The following PDIA6 variants were observed in gnomAD, a reference collection of about 807,000 sequenced individuals.
The protein encoded by PDIA6 is protein disulfide isomerase family A member 6.
Under a neutral mutation model 58.4 loss-of-function variants are expected in PDIA6, and 29 were observed. The ratio of observed to expected loss-of-function variants is 0.50; its 90% CI spans 0.37 to 0.68. The LOEUF is 0.68. PDIA6 is among the 30% of genes least tolerant of loss of function. The pLI, the probability that PDIA6 is intolerant of heterozygous loss-of-function variation, is 0.00. For missense variants in PDIA6, 480 were observed against 551.0 expected (o/e 0.87, Z 1.29); for synonymous variants, 192 against 202.6 (o/e 0.95, Z 0.44).
chr2:10,808,172 A>C (rs977460736), intron 1 of PDIA6, among the ~76,000 whole-genome samples: 1 of 152,264 alleles, frequency 6.6e-6, no homozygotes, highest in Admixed American at 6.5e-5. Flanking sequence ...TATGCTTTCT[A>C]GAAGGAGTAT....
chr2:10,790,654 G>C, intron 7 of PDIA6, 65 bp downstream of exon 7: 1 of 1,147,562 alleles, frequency 8.7e-7, no homozygotes, highest in Admixed American at 1.7e-5. Context: ...GAGGCCTGGA[G>C]TATTGGAAGA....
chr2:10,802,289 T>A (rs578091603), intron 2 of PDIA6, among the ~76,000 whole-genome samples: 79 of 152,274 alleles, frequency 5.2e-4, no homozygotes, highest in Non-Finnish European at 8.8e-5. Flanking sequence ...ATAAAAGCAG[T>A]TTTCCTTCCA....
chr2:10,816,482 A>G (rs1211656928), upstream of PDIA6, among the ~76,000 whole-genome samples: 1 of 141,604 alleles, frequency 7.1e-6, no homozygotes, highest in African/African-American at 2.7e-5. Context: ...TTGTCTCTTC[A>G]GCCTCTATTC....
At chr2:10,836,543 C>G (rs76776329), upstream of PDIA6, among the ~76,000 whole-genome samples, 1 of 140,394 alleles carries the variant, frequency 7.1e-6, no homozygotes, top group African/African-American at 2.6e-5. Context: ...CTTTTGCAGG[C>G]TTTTTTTTTT....
intron 1 of PDIA6, among the ~76,000 whole-genome samples, chr2:10,828,368 T>G (rs2130285): frequency 0.63 from 96,063 of 152,092 alleles, 30,602 homozygotes; most frequent in East Asian, 0.8. Context: ...GGAAGAGAAA[T>G]AACAGGCTGC....
Position 10,789,799 on chromosome 2 carries a change from G to C in PDIA6, c.790C>G (p.Arg264Gly), listed in dbSNP as rs149489060. The change falls in exon 8 of 13, where the codon CGG (arginine) becomes GGG (glycine). Residue 264 changes from arginine to glycine, a missense_variant. Coordinates refer to ENST00000272227, the MANE Select transcript of PDIA6 (RefSeq NM_005742.4). ...GGRTRSDIVSRALDLFSDNAP... is the reference protein window; with the variant it reads ...GGRTRSDIVSGALDLFSDNAP... ...TTATCAGAAAACAAATCAAGGGCCC[G>C]GGACACGATGTCGGATCTTGTCCGC... The C allele has an allele frequency of 9.3e-6, 15 of 1,613,708 alleles. No individual in the cohort carries two copies. Among genetic ancestry groups the C allele is most frequent in the African/African-American group, 1.3e-5 (1 of 74,914 alleles).
chr2:10,818,401 A>G (rs1170581382), intron 2 of PDIA6, among the ~76,000 whole-genome samples: 1 of 151,766 alleles, frequency 6.6e-6, no homozygotes, highest in Non-Finnish European at 1.5e-5. Context: ...TCCTGGCCTC[A>G]AGTGATCTGC....
upstream of PDIA6, chr2:10,837,406 G>T (rs754144127): frequency 1.3e-5 from 8 of 619,512 alleles, no homozygotes; most frequent in Non-Finnish European, 2.0e-5. Context: ...AAAAACATAC[G>T]TGAGGAAATC....
intron 7 of PDIA6, 42 bp downstream of exon 7, chr2:10,790,677 C>G: frequency 2.2e-6 from 3 of 1,392,774 alleles, no homozygotes; most frequent in Non-Finnish European, 2.0e-6. Flanking sequence ...TAACGAAACA[C>G]CATGTATTTC....
intron 11 of PDIA6, 125 bp from the exon 12 acceptor site, chr2:10,785,155 C>T (rs1404930528): frequency 3.0e-6 from 2 of 670,306 alleles, no homozygotes; most frequent in Non-Finnish European, 5.3e-6. Flanking sequence ...TTCTCTCTTG[C>T]TGCACTACAT....
chr2:10,801,759 A>C (rs1365095651), intron 2 of PDIA6, among the ~76,000 whole-genome samples: 5 of 152,250 alleles, frequency 3.3e-5, no homozygotes, highest in African/African-American at 1.2e-4. Context: ...AAAAAAGTTA[A>C]AGTGAGAAAG....
chr2:10,799,530 A>T (rs1017673001), intron 2 of PDIA6, among the ~76,000 whole-genome samples: 5 of 152,244 alleles, frequency 3.3e-5, no homozygotes, highest in African/African-American at 1.2e-4. Flanking sequence ...TACAGGTAGA[A>T]GTCGTAATTA....
chr2:10,805,108 C>G (rs1044068049), intron 1 of PDIA6, among the ~76,000 whole-genome samples: 1 of 151,026 alleles, frequency 6.6e-6, no homozygotes, highest in Non-Finnish European at 1.5e-5. Flanking sequence ...AAACTACCAT[C>G]AGAGTGAACA....
chr2:10,790,821 C>T lies in PDIA6; in HGVS notation c.597G>A (p.Glu199=), dbSNP rs773600727. The T allele has an allele frequency of 6.2e-7, 1 of 1,613,160 alleles. No homozygotes were observed. The highest frequency in any genetic ancestry group is 2.2e-5 in the East Asian group (1 of 44,876). ...TTACTTCTGAAGCTGCGGCAGCCCA[C>T]TCTGGCTCTAGGCTATAGAAAAATA... ...WCGHCKNLEP[E]WAAAASEVKE... The change falls in exon 7 of 13, where the codon GAG becomes GAA. Residue 199 remains glutamate, a synonymous_variant. Transcript: ENST00000272227.
intron 1 of PDIA6, chr2:10,810,253 A>G (rs1201886247): frequency 6.7e-7 from 1 of 1,485,932 alleles, no homozygotes; most frequent in Admixed American, 2.0e-5. Flanking sequence ...CTAAGATCAT[A>G]TAATTAGATA....
At chr2:10,789,125 G>A in intron 8 of PDIA6, 144 bp from the exon 9 acceptor site, 2 of 659,538 alleles carry the variant, frequency 3.0e-6, no homozygotes, top group South Asian at 1.7e-5. Context: ...AACACCTGGA[G>A]GCATGTTCTC....
At chr2:10,791,460 G>A (rs1244858134) in intron 6 of PDIA6, among the ~76,000 whole-genome samples, 2 of 152,182 alleles carry the variant, frequency 1.3e-5, no homozygotes, top group Non-Finnish European at 2.9e-5. Context: ...CTTTTTAACT[G>A]ATCTGTGCAT....
chr2:10,793,290 C>G, intron 4 of PDIA6, 88 bp from the exon 5 acceptor site: 3 of 823,280 alleles, frequency 3.6e-6, no homozygotes, highest in Non-Finnish European at 6.3e-6. Flanking sequence ...CTTTACCTCA[C>G]TGTCGGCTTC....
chr2:10,812,947 C>A (rs1177509224), upstream of PDIA6: 3 of 669,180 alleles, frequency 4.5e-6, no homozygotes, highest in African/African-American at 1.9e-5. Context: ...TTTTTTTTCA[C>A]GGGGGCGGTG....
Sources: gnomAD v4.1 joint callset for allele counts (sites outside exome capture counted in the v4.1 genomes callset) on GRCh38, gnomAD v4.1.1 for gene constraint, MANE v1.5 for transcripts, NCBI Gene and HGNC (gene_info 2026-07-23, HGNC 2026-07-21) for gene names.